SYT1: variants seen among roughly 807,000 people sequenced by gnomAD.
SYT1 encodes synaptotagmin 1.
SYT1 carries 8 observed loss-of-function variants against 44.8 expected under a neutral mutation model. The observed-to-expected ratio is 0.18, with a 90% CI of 0.10 to 0.32. The LOEUF is 0.32. SYT1 is among the 10% of genes least tolerant of loss of function. The pLI, the probability that SYT1 is intolerant of heterozygous loss-of-function variation, is 1.00. For synonymous variants in SYT1, 154 were observed against 188.8 expected (o/e 0.82, Z 1.51); for missense variants, 286 against 509.3 (o/e 0.56, Z 4.22).
At position 79,448,577 on chromosome 12, in the gene SYT1, G is replaced by T. The variant is rs935398728; in HGVS notation, c.1063-341G>T. Among the ~76,000 whole-genome samples the T allele has an allele frequency of 1.0e-3, 157 of 152,112 alleles. 2 individuals are homozygous for T. The highest frequency in any genetic ancestry group is 3.2e-4 in the Non-Finnish European group (22 of 68,030). ...GTTGACACAGACTCCATGGCATGGA[G>T]GTTCACAGCATAGGCTCTGAAAACC... is the stretch of plus-strand genomic sequence containing the variant. On this transcript the variant is annotated intron_variant, in intron 10 of 10. Transcript: ENST00000261205.
chr12:79,125,629 GAAAA>G, intron 3 of SYT1, among the ~76,000 whole-genome samples: 1 of 112,920 alleles, frequency 8.9e-6, no homozygotes, highest in South Asian at 2.7e-4. Context: ...AAAAAAAAAA[GAAAA>G]AAAGAAAAAA....
At chr12:78,971,324 A>G (rs1037196224) in intron 1 of SYT1, among the ~76,000 whole-genome samples, 4 of 152,214 alleles carry the variant, frequency 2.6e-5, no homozygotes, top group African/African-American at 9.6e-5. Flanking sequence ...TTTACAAAAG[A>G]TAAAAGAAAT....
At chr12:79,183,314 C>T (rs1362558638) in intron 3 of SYT1, among the ~76,000 whole-genome samples, 2 of 151,994 alleles carry the variant, frequency 1.3e-5, no homozygotes, top group Non-Finnish European at 2.9e-5. Flanking sequence ...GTTGCGCAGA[C>T]AGGAAGATAT....
Position 79,072,293 on chromosome 12 carries a change from G to A in SYT1, c.-18+24931G>A, listed in dbSNP as rs544492929. 2.0e-5 allele frequency among the ~76,000 whole-genome samples: 3 copies of A among 152,086 alleles called. No individual in the cohort carries two copies. The East Asian group carries it at 5.8e-4, about 29-fold the overall frequency. On this transcript the variant is annotated intron_variant, in intron 3 of 10. Coordinates refer to ENST00000261205, the MANE Select transcript of SYT1 (RefSeq NM_005639.3). ...CTTTCGTAGTTTGTTCATACTGGGAGACTAATGAAATAGAATGATAAAATC... is the reference window on the plus strand; with the variant it reads ...CTTTCGTAGTTTGTTCATACTGGGAAACTAATGAAATAGAATGATAAAATC...
intron 3 of SYT1, among the ~76,000 whole-genome samples, chr12:79,112,026 GA>G (rs78185411): frequency 0.15 from 20,075 of 135,446 alleles, 1,349 homozygotes; most frequent in South Asian, 0.21. Context: ...AAAGGATCAG[GA>G]AAAAAAAAAA....
Position 79,389,213 on chromosome 12 carries a change from A to C in SYT1, c.928+35594A>C, listed in dbSNP as rs186792411. Among the ~76,000 whole-genome samples, 9 of 152,354 alleles carry C rather than the reference A, an allele frequency of 5.9e-5. No individual in the cohort carries two copies. The East Asian group carries it at 1.7e-3, about 29-fold the overall frequency. On this transcript the variant is annotated intron_variant, in intron 9 of 10. Transcript: ENST00000261205. ...AGGAACATTTTTAATAAACTGTACT[A>C]TAGAACGTCTTACTAATCAGATCTT... is the stretch of plus-strand genomic sequence containing the variant.
chr12:79,252,013 A>AGATAATG (rs1412089790), intron 4 of SYT1, among the ~76,000 whole-genome samples: 8 of 84,836 alleles, frequency 9.4e-5, no homozygotes, highest in Non-Finnish European at 1.9e-4. Context: ...GATAGATAAT[A>AGATAATG]TATAGACAGA....
At chr12:78,931,232 A>G (rs1469228235) in intron 1 of SYT1, among the ~76,000 whole-genome samples, 5 of 63,198 alleles carry the variant, frequency 7.9e-5, no homozygotes, top group Admixed American at 5.7e-4. Flanking sequence ...AGAAAGAAAG[A>G]AAGAAAGAAG....
At chr12:79,083,235 AT>A (rs1383214154) in intron 3 of SYT1, among the ~76,000 whole-genome samples, 2 of 152,200 alleles carry the variant, frequency 1.3e-5, no homozygotes, top group Non-Finnish European at 1.5e-5. Flanking sequence ...AAATTAATTA[AT>A]TTTTAAAAAC....
Position 78,973,935 on chromosome 12 carries a change from AAAAATATATATATATATATATAT to A in SYT1, c.-216-3862_-216-3840del, listed in dbSNP as rs1411662258. ...GAACACCAAAAAAAAAAAAAAAAAA[AAAAATATATATATATATATATAT>A]ATATATATATATATATATATATATA... is the stretch of plus-strand genomic sequence containing the variant. On this transcript the variant is annotated intron_variant, in intron 1 of 10. Coordinates refer to ENST00000261205, the MANE Select transcript of SYT1 (RefSeq NM_005639.3). Among the ~76,000 whole-genome samples the A allele has an allele frequency of 7.3e-3, 194 of 26,528 alleles. 3 individuals are homozygous for A. Among genetic ancestry groups the A allele is most frequent in the Admixed American group, 0.013 (26 of 1,932 alleles). The allele number at this position is 26,528 out of a possible 152,430, so 17.4% of individuals were successfully genotyped here.
At chr12:78,934,448 G>A (rs11111935) in intron 1 of SYT1, among the ~76,000 whole-genome samples, 13,934 of 152,084 alleles carry the variant, frequency 0.092, 943 homozygotes, top group East Asian at 0.31. Context: ...GAGATGGGAG[G>A]ATCACCTGAG....
intron 3 of SYT1, among the ~76,000 whole-genome samples, chr12:79,120,109 CCA>C (rs555216729): frequency 1.5e-3 from 228 of 152,122 alleles, no homozygotes; most frequent in African/African-American, 5.3e-3. Flanking sequence ...GGCAATAGCA[CCA>C]CACAAAGAAA....
At chr12:79,277,132 T>A (rs1366970705) in intron 4 of SYT1, among the ~76,000 whole-genome samples, 1 of 151,808 alleles carries the variant, frequency 6.6e-6, no homozygotes, top group Non-Finnish European at 1.5e-5. Flanking sequence ...CACAAAAAGC[T>A]CAAAGAACTC....
intron 9 of SYT1, among the ~76,000 whole-genome samples, chr12:79,427,408 A>G (rs886640754): frequency 3.9e-5 from 6 of 152,244 alleles, no homozygotes; most frequent in African/African-American, 1.4e-4. Flanking sequence ...AGAATAAACC[A>G]AAAACCATGT....
intron 9 of SYT1, among the ~76,000 whole-genome samples, chr12:79,440,091 G>A (rs1178732507): frequency 6.6e-6 from 1 of 152,026 alleles, no homozygotes; most frequent in Non-Finnish European, 1.5e-5. Flanking sequence ...CTGGGCATGT[G>A]CCTGTAATCC....
chr12:78,870,535 T>C (rs975438325), intron 1 of SYT1, among the ~76,000 whole-genome samples: 4 of 152,096 alleles, frequency 2.6e-5, no homozygotes, highest in Non-Finnish European at 4.4e-5. Context: ...TGCAAACATA[T>C]TTGAAGAGTT....
intron 8 of SYT1, among the ~76,000 whole-genome samples, chr12:79,313,576 G>A (rs1350198146): frequency 2.1e-5 from 3 of 143,140 alleles, no homozygotes; most frequent in Non-Finnish European, 4.5e-5. Flanking sequence ...CGTAAGCATA[G>A]TTATGTTGAA....
intron 8 of SYT1, among the ~76,000 whole-genome samples, chr12:79,307,656 G>A (rs1426184250): frequency 6.6e-6 from 1 of 151,992 alleles, no homozygotes; most frequent in Non-Finnish European, 1.5e-5. Flanking sequence ...GCGGCAGGAG[G>A]AGCCCGAACG....
At chr12:79,056,010 G>T (rs1341076354) in intron 3 of SYT1, among the ~76,000 whole-genome samples, 1 of 151,842 alleles carries the variant, frequency 6.6e-6, no homozygotes, top group African/African-American at 2.4e-5. Flanking sequence ...TGTTATAATT[G>T]CCTACAGTAT....
Sources: allele counts gnomAD v4.1 joint callset (sites outside exome capture counted in the v4.1 genomes callset), GRCh38; gene constraint gnomAD v4.1.1; transcripts MANE v1.5; gene names NCBI Gene and HGNC (gene_info 2026-07-23, HGNC 2026-07-21).